GALNT17: variants seen among roughly 807,000 people sequenced by gnomAD.
The protein encoded by GALNT17 is polypeptide N-acetylgalactosaminyltransferase 17.
GALNT17 carries 29 observed loss-of-function variants against 63.7 expected under a neutral mutation model. That is an observed-to-expected ratio of 0.46 (90% CI 0.34 to 0.62). GALNT17 has a LOEUF of 0.62. Among genes scored for constraint, GALNT17 ranks in the 20% least tolerant of loss-of-function variants. The pLI is 0.01. For missense variants in GALNT17, 603 were observed against 799.6 expected (o/e 0.75, Z 2.97); for synonymous variants, 305 against 318.3 (o/e 0.96, Z 0.45).
intron 1 of GALNT17, among the ~76,000 whole-genome samples, chr7:71,160,644 T>C (rs1257717595): frequency 6.6e-6 from 1 of 151,924 alleles, no homozygotes; most frequent in East Asian, 1.9e-4. Context: ...TTTTTAGTAG[T>C]GACGGGGTTT....
At chr7:71,139,379 C>G (rs1787843709) in intron 1 of GALNT17, among the ~76,000 whole-genome samples, 1 of 152,168 alleles carries the variant, frequency 6.6e-6, no homozygotes, top group Non-Finnish European at 1.5e-5. Flanking sequence ...CAGGGCAGCT[C>G]TGTCATAAGA....
At chr7:71,677,433 T>G (rs1791169607) in intron 9 of GALNT17, 127 bp downstream of exon 9, 1 of 903,692 alleles carries the variant, frequency 1.1e-6, no homozygotes. Flanking sequence ...AGAAAAATTT[T>G]TAAGAAGAAG....
intron 6 of GALNT17, among the ~76,000 whole-genome samples, chr7:71,631,690 G>A (rs1172362160): frequency 1.3e-5 from 2 of 152,114 alleles, no homozygotes; most frequent in African/African-American, 4.8e-5. Context: ...GGAAGGAGGA[G>A]GATGAACCAT....
intron 5 of GALNT17, among the ~76,000 whole-genome samples, chr7:71,446,814 G>A (rs558554265): frequency 6.6e-6 from 1 of 152,356 alleles, no homozygotes; most frequent in African/African-American, 2.4e-5. Context: ...CTCCCAGAGT[G>A]CTGGGATTAC....
chr7:71,404,152 G>A (rs1040964076), intron 3 of GALNT17, among the ~76,000 whole-genome samples: 3 of 152,204 alleles, frequency 2.0e-5, no homozygotes, highest in South Asian at 2.1e-4. Context: ...TGGGCTACTC[G>A]TATTTATTTT....
rs1787693577 is a variant in GALNT17, at chr7:71,132,279, C to G, written c.-524C>G. 1 of 152,048 alleles carries G rather than the reference C, an allele frequency of 6.6e-6. No individual in the cohort carries two copies. Among genetic ancestry groups the G allele is most frequent in the Admixed American group, 6.6e-5 (1 of 15,260 alleles). 9.4% of individuals were successfully genotyped at this position (152,048 alleles called of 1,614,324 possible). A position where few individuals can be genotyped will look rare whatever the true frequency, so the allele number is the denominator to read the frequency against. On this transcript the variant is annotated 5_prime_UTR_variant, in exon 1 of 11. Coordinates refer to ENST00000333538, the MANE Select transcript of GALNT17 (RefSeq NM_022479.3). ...GGGGAGCGGGTCTTCCGCTGAAGAGCGCGGGTGGCGCGCCGCGACGGCCGC... is the reference window on the plus strand; with the variant it reads ...GGGGAGCGGGTCTTCCGCTGAAGAGGGCGGGTGGCGCGCCGCGACGGCCGC...
intron 5 of GALNT17, among the ~76,000 whole-genome samples, chr7:71,456,258 T>C (rs989671946): frequency 6.6e-6 from 1 of 151,950 alleles, no homozygotes; most frequent in African/African-American, 2.4e-5. Context: ...AAAAAAAAGA[T>C]TAAGCTTTGA....
At chr7:71,554,839 C>T (rs1175157602) in intron 5 of GALNT17, among the ~76,000 whole-genome samples, 1 of 152,206 alleles carries the variant, frequency 6.6e-6, no homozygotes, top group Admixed American at 6.5e-5. Context: ...AGACTTATTC[C>T]CCAGCCCAGG....
intron 3 of GALNT17, among the ~76,000 whole-genome samples, chr7:71,409,224 A>C (rs1019255397): frequency 1.3e-5 from 2 of 152,064 alleles, no homozygotes; most frequent in Non-Finnish European, 2.9e-5. Context: ...GGGATTCTGG[A>C]ATGTCAGCTC....
intron 1 of GALNT17, among the ~76,000 whole-genome samples, chr7:71,334,274 C>A (rs750894868): frequency 1.3e-5 from 2 of 152,166 alleles, no homozygotes; most frequent in Non-Finnish European, 2.9e-5. Context: ...CGTCTCACTA[C>A]CGGAGCAGGT....
intron 5 of GALNT17, among the ~76,000 whole-genome samples, chr7:71,488,637 T>C (rs923936732): frequency 1.4e-5 from 2 of 145,496 alleles, no homozygotes; most frequent in African/African-American, 5.1e-5. Context: ...TGGAGTGCAG[T>C]GGCAGGATCT....
chr7:71,212,048 A>G (rs1789389381), intron 1 of GALNT17, among the ~76,000 whole-genome samples: 2 of 152,204 alleles, frequency 1.3e-5, no homozygotes, highest in Non-Finnish European at 2.9e-5. Context: ...CCCCAAGACC[A>G]TGGGGAAAAT....
At chr7:71,299,708 A>G (rs935353715) in intron 1 of GALNT17, among the ~76,000 whole-genome samples, 9 of 152,068 alleles carry the variant, frequency 5.9e-5, no homozygotes, top group Admixed American at 3.9e-4. Flanking sequence ...ACTGAACCCT[A>G]TGTCCTTCCT....
chr7:71,233,382 G>A (rs966469649), intron 1 of GALNT17, among the ~76,000 whole-genome samples: 2 of 152,192 alleles, frequency 1.3e-5, no homozygotes, highest in African/African-American at 4.8e-5. Context: ...CGTGTCTTCT[G>A]TTCTGAAGGC....
intron 6 of GALNT17, among the ~76,000 whole-genome samples, chr7:71,622,779 C>T (rs146572728): frequency 6.6e-6 from 1 of 152,290 alleles, no homozygotes; most frequent in African/African-American, 2.4e-5. Flanking sequence ...AATACAGATT[C>T]TCCCAGGCGA....
intron 6 of GALNT17, among the ~76,000 whole-genome samples, chr7:71,638,809 G>A (rs1290722187): frequency 6.6e-6 from 1 of 152,164 alleles, no homozygotes; most frequent in Non-Finnish European, 1.5e-5. Context: ...GTTTCATTAT[G>A]TTAAATGAAA....
At chr7:71,520,603 C>T (rs1788515043) in intron 5 of GALNT17, among the ~76,000 whole-genome samples, 1 of 152,046 alleles carries the variant, frequency 6.6e-6, no homozygotes, top group Non-Finnish European at 1.5e-5. Flanking sequence ...AGGTAGGAAG[C>T]TGCATGGTGT....
Position 71,392,542 on chromosome 7 carries a change from G to A in GALNT17, c.589+4141G>A, listed in dbSNP as rs76402729. On this transcript the variant is annotated intron_variant, in intron 3 of 10. Transcript: ENST00000333538. ...TTATAAGCTCCTATTTGATGCTTAC[G>A]TAGCTTGTGTGGGGAGCACACTTTG... 1.8e-3 allele frequency among the ~76,000 whole-genome samples: 269 copies of A among 152,284 alleles called. 5 individuals carry two copies. Among genetic ancestry groups the A allele is most frequent in the African/African-American group, 4.9e-3 (203 of 41,548 alleles).
Position 71,561,269 on chromosome 7 carries a change from C to T in GALNT17, c.963-10016C>T, listed in dbSNP as rs373742375. ...TCAGGTGATCCGCCCACCTCGGCCT[C>T]CCAAAGTGCTGGGATTACAGGCATG... On this transcript the variant is annotated intron_variant, in intron 5 of 10. Coordinates refer to ENST00000333538, the MANE Select transcript of GALNT17 (RefSeq NM_022479.3). Among the ~76,000 whole-genome samples, 190 of 152,244 alleles carry T rather than the reference C, an allele frequency of 1.2e-3. 1 individual carries two copies. The South Asian group carries it at 0.027, about 22-fold the overall frequency.
Sources: gnomAD v4.1 joint callset for allele counts (sites outside exome capture counted in the v4.1 genomes callset) on GRCh38, gnomAD v4.1.1 for gene constraint, MANE v1.5 for transcripts, NCBI Gene and HGNC (gene_info 2026-07-23, HGNC 2026-07-21) for gene names.